RAD51B: variants seen among roughly 807,000 people sequenced by gnomAD.
The protein encoded by RAD51B is DNA repair protein RAD51 homolog 2.
RAD51B carries 38 observed loss-of-function variants against 42.2 expected under a neutral mutation model. That is an observed-to-expected ratio of 0.90 (90% confidence interval 0.70 to 1.18). The LOEUF is 1.18. RAD51B is among the 50% of genes most tolerant of loss of function. The pLI is 0.00. For missense variants in RAD51B, 373 were observed against 400.7 expected (o/e 0.93, Z 0.59); for synonymous variants, 154 against 145.2 (o/e 1.06, Z -0.43).
intron 7 of RAD51B, among the ~76,000 whole-genome samples, chr14:67,920,453 A>G (rs2044286804): frequency 6.6e-6 from 1 of 152,120 alleles, no homozygotes; most frequent in African/African-American, 2.4e-5. Context: ...GTATCACATC[A>G]GTATTTCTCT....
intron 10 of RAD51B, among the ~76,000 whole-genome samples, chr14:68,503,989 G>A (rs1319539098): frequency 6.6e-6 from 1 of 152,132 alleles, no homozygotes; most frequent in Non-Finnish European, 1.5e-5. Flanking sequence ...TCACGGTGGT[G>A]GTGTTGTCTT....
At position 68,113,048 on chromosome 14, in the gene RAD51B, T is replaced by C. The variant is rs116925271; in HGVS notation, c.757-178836T>C. On this transcript the variant is annotated intron_variant, in intron 7 of 10. Transcript: ENST00000471583. The stretch of plus-strand genomic sequence containing the variant: ...CTGAAAATATTTTATAGATGCTGAG[T>C]ACAATAGCATATTTATGTTTAAAAA... 8.8e-3 allele frequency among the ~76,000 whole-genome samples: 1,334 copies of C among 152,250 alleles called. 9 individuals are homozygous for C. Among genetic ancestry groups the C allele is most frequent in the Non-Finnish European group, 0.012 (798 of 67,992 alleles).
chr14:68,029,962 T>G (rs927187204), intron 7 of RAD51B, among the ~76,000 whole-genome samples: 3 of 152,254 alleles, frequency 2.0e-5, no homozygotes, highest in African/African-American at 7.2e-5. Flanking sequence ...CTTGGTTGAC[T>G]GGGTACATTG....
intron 8 of RAD51B, among the ~76,000 whole-genome samples, chr14:68,295,042 T>C (rs149629584): frequency 6.6e-6 from 1 of 152,328 alleles, no homozygotes; most frequent in Non-Finnish European, 1.5e-5. Context: ...TGGGATAGTT[T>C]GTGAAAGGCA....
intron 7 of RAD51B, among the ~76,000 whole-genome samples, chr14:67,932,464 G>A (rs995894381): frequency 6.6e-6 from 1 of 152,126 alleles, no homozygotes; most frequent in South Asian, 2.1e-4. Flanking sequence ...GATCATACTT[G>A]TTCTTAGGCC....
chr14:68,653,316 G>A (rs1409474016), intron 11 of RAD51B, among the ~76,000 whole-genome samples: 2 of 152,152 alleles, frequency 1.3e-5, no homozygotes, highest in Admixed American at 6.5e-5. Flanking sequence ...GCATGACTGG[G>A]AATAGCGCAC....
At chr14:67,971,022 T>C (rs1447973528) in intron 7 of RAD51B, among the ~76,000 whole-genome samples, 2 of 152,092 alleles carry the variant, frequency 1.3e-5, no homozygotes, top group Non-Finnish European at 2.9e-5. Flanking sequence ...ATAAAAGCTA[T>C]TAAAGATTAT....
chr14:67,903,426 G>A (rs1457838977), intron 7 of RAD51B, among the ~76,000 whole-genome samples: 9 of 151,756 alleles, frequency 5.9e-5, no homozygotes, highest in Non-Finnish European at 4.4e-5. Context: ...ACCATTTAAG[G>A]CATTTAAAAA....
chr14:68,371,743 T>TG (rs766701129), intron 8 of RAD51B, among the ~76,000 whole-genome samples: 2 of 152,078 alleles, frequency 1.3e-5, no homozygotes, highest in South Asian at 2.1e-4. Flanking sequence ...CCCAGCTACT[T>TG]GGGGGGCTGA....
At chr14:68,580,100 C>A (rs1293910150) in intron 10 of RAD51B, among the ~76,000 whole-genome samples, 1 of 152,242 alleles carries the variant, frequency 6.6e-6, no homozygotes, top group African/African-American at 2.4e-5. Flanking sequence ...AGCCATCCTA[C>A]CTGCCTGCCC....
intron 7 of RAD51B, among the ~76,000 whole-genome samples, chr14:67,989,724 C>T (rs979369299): frequency 3.3e-5 from 5 of 151,778 alleles, no homozygotes; most frequent in Non-Finnish European, 5.9e-5. Context: ...GGCAACCCCC[C>T]ACAGGCCACA....
intron 7 of RAD51B, among the ~76,000 whole-genome samples, chr14:68,177,872 G>C (rs879650724): frequency 3.9e-5 from 6 of 152,102 alleles, no homozygotes; most frequent in Non-Finnish European, 7.4e-5. Context: ...TTTAAAGAAA[G>C]TTACCTTGCC....
chr14:68,557,047 G>C (rs1888887995), intron 10 of RAD51B, among the ~76,000 whole-genome samples: 1 of 152,108 alleles, frequency 6.6e-6, no homozygotes. Flanking sequence ...CCTCTTCCAA[G>C]AAGCTTTGGC....
chr14:68,398,044 C>T (rs909041823), intron 8 of RAD51B, among the ~76,000 whole-genome samples: 1 of 152,214 alleles, frequency 6.6e-6, no homozygotes, highest in Non-Finnish European at 1.5e-5. Context: ...GGGAGGAAAG[C>T]ATAACCATAA....
intron 7 of RAD51B, among the ~76,000 whole-genome samples, chr14:68,265,633 T>C (rs1213827009): frequency 1.3e-5 from 2 of 152,128 alleles, no homozygotes; most frequent in African/African-American, 4.8e-5. Context: ...GTGCCTGTAA[T>C]CCCAGCTGCT....
chr14:68,272,665 ATTTTTTTTTTTTTTTTTTTTTTTT>A (rs71412311), intron 7 of RAD51B, among the ~76,000 whole-genome samples: 1 of 12,474 alleles, frequency 8.0e-5, no homozygotes, highest in Non-Finnish European at 1.4e-4. Context: ...ATATATATAT[ATTTTTTTTTTTTTTTTTTTTTTTT>A]TTTTTTTTTT....
intron 7 of RAD51B, among the ~76,000 whole-genome samples, chr14:68,216,124 A>G (rs1003907881): frequency 2.0e-5 from 3 of 152,250 alleles, no homozygotes; most frequent in African/African-American, 7.2e-5. Flanking sequence ...TGGGAAAGTC[A>G]GTGAGGTTCA....
intron 8 of RAD51B, among the ~76,000 whole-genome samples, chr14:68,362,317 CA>C (rs1200028365): frequency 4.6e-5 from 7 of 152,162 alleles, no homozygotes; most frequent in African/African-American, 1.7e-4. Flanking sequence ...ATTATTACAG[CA>C]ACTAATATTT....
chr14:68,350,235 C>T (rs185651312), intron 8 of RAD51B, among the ~76,000 whole-genome samples: 1 of 152,334 alleles, frequency 6.6e-6, no homozygotes, highest in East Asian at 1.9e-4. Flanking sequence ...AACTTGAGCC[C>T]TATAACTGCC....
Sources: gnomAD v4.1 joint callset for allele counts (sites outside exome capture counted in the v4.1 genomes callset) on GRCh38, gnomAD v4.1.1 for gene constraint, MANE v1.5 for transcripts, NCBI Gene and HGNC (gene_info 2026-07-23, HGNC 2026-07-21) for gene names.